Variants in HSF1 observed in about 807,000 individuals in gnomAD.
The protein encoded by HSF1 is heat shock transcription factor 1.
A neutral mutation model predicts 51.7 loss-of-function variants in HSF1; 32 were observed. The observed-to-expected ratio is 0.62, with a 90% CI of 0.47 to 0.83. HSF1 has a LOEUF of 0.83. HSF1 is among the 40% of genes least tolerant of loss of function. HSF1 has a pLI of 0.00. For synonymous variants in HSF1, 396 were observed against 309.7 expected (o/e 1.28, Z -2.92); for missense variants, 727 against 717.0 (o/e 1.01, Z -0.16).
chr8:144,299,686 G>A (rs1309004213), intron 1 of HSF1, among the ~76,000 whole-genome samples: 1 of 151,740 alleles, frequency 6.6e-6, no homozygotes, highest in Non-Finnish European at 1.5e-5. Context: ...GAGGCGGGTG[G>A]ATCACGAGGT....
At chr8:144,296,295 C>T (rs191322625) in intron 1 of HSF1, among the ~76,000 whole-genome samples, 2 of 152,308 alleles carry the variant, frequency 1.3e-5, no homozygotes, top group African/African-American at 2.4e-5. Context: ...AGATCGTGTC[C>T]GGAGCTCCCA....
intron 9 of HSF1, 146 bp from the exon 10 acceptor site, chr8:144,313,365 C>G: frequency 1.7e-6 from 1 of 604,314 alleles, no homozygotes; most frequent in Non-Finnish European, 3.0e-6. Flanking sequence ...AGGCCGTCCT[C>G]GAATGCGCTG....
At chr8:144,309,411 G>T (rs1816445183) in intron 2 of HSF1, 44 bp from the exon 3 acceptor site, 3 of 1,610,870 alleles carry the variant, frequency 1.9e-6, no homozygotes, top group Non-Finnish European at 8.5e-7. Context: ...AGGGGTTCTG[G>T]TCCCGCCCTG....
At chr8:144,306,959 G>A (rs1278902389) in intron 1 of HSF1, among the ~76,000 whole-genome samples, 2 of 152,100 alleles carry the variant, frequency 1.3e-5, no homozygotes, top group Admixed American at 6.6e-5. Flanking sequence ...TTCAGCACTC[G>A]GCCAGGCAGT....
chr8:144,300,911 TA>T (rs1323366252), intron 1 of HSF1, among the ~76,000 whole-genome samples: 2 of 152,068 alleles, frequency 1.3e-5, no homozygotes, highest in East Asian at 3.8e-4. Context: ...TATTCTAAAG[TA>T]AAAAGGTGGT....
At chr8:144,312,587 C>A in intron 9 of HSF1, 2 of 1,495,616 alleles carry the variant, frequency 1.3e-6, no homozygotes, top group Non-Finnish European at 1.8e-6. Flanking sequence ...ACACCCCCAG[C>A]CCCTGCCTGC....
intron 1 of HSF1, among the ~76,000 whole-genome samples, chr8:144,307,604 G>C (rs1241602452): frequency 3.3e-5 from 5 of 151,234 alleles, no homozygotes; most frequent in Non-Finnish European, 7.4e-5. Flanking sequence ...GCCGGGCGTG[G>C]TGGCGCCTAT....
chr8:144,291,792 C>T lies in HSF1; in HGVS notation c.35C>T (p.Pro12Leu). The change falls in exon 1 of 13, where the codon CCC becomes CTC. Residue 12 changes from proline to leucine, a missense_variant. By Grantham distance (98) the Pro-to-Leu change is moderately conservative. This residue lies in a region of HSF1 where 257 missense variants were observed against 318.3 expected (regional missense o/e 0.81). Coordinates refer to ENST00000528838, the MANE Select transcript of HSF1 (RefSeq NM_005526.4). The surrounding 1 kb of genome is among the most constrained non-coding windows in gnomAD (Gnocchi z 4.1). The part of the protein sequence containing the change: ...DLPVGPGAAG[P>L]SNVPAFLTKL... Reference sequence around the variant, plus strand: ...CCCGTGGGCCCCGGCGCGGCGGGGCCCAGCAACGTCCCGGCCTTCCTGACC... The same window carrying T: ...CCCGTGGGCCCCGGCGCGGCGGGGCTCAGCAACGTCCCGGCCTTCCTGACC... 6.5e-7 allele frequency: 1 copy of T among 1,545,022 alleles called. No homozygotes were observed. Among genetic ancestry groups the T allele is most frequent in the Non-Finnish European group, 8.7e-7 (1 of 1,150,740 alleles).
intron 1 of HSF1, among the ~76,000 whole-genome samples, chr8:144,305,456 T>C (rs1432618996): frequency 6.6e-6 from 1 of 151,096 alleles, no homozygotes; most frequent in Non-Finnish European, 1.5e-5. Context: ...CATGCCACCA[T>C]GCCCAACTAA....
chr8:144,309,688 G>A (rs1395001676), intron 3 of HSF1, 84 bp from the exon 4 acceptor site: 43 of 1,583,944 alleles, frequency 2.7e-5, no homozygotes, highest in Non-Finnish European at 3.4e-5. Context: ...GCCCCTTCCT[G>A]AGGGACCTGG....
At chr8:144,302,217 A>AG (rs1815935112) in intron 1 of HSF1, among the ~76,000 whole-genome samples, 1 of 151,426 alleles carries the variant, frequency 6.6e-6, no homozygotes, top group Non-Finnish European at 1.5e-5. Context: ...TTTAAAAAAA[A>AG]TTAAAGGCAG....
At chr8:144,292,452 G>A (rs541130298) in intron 1 of HSF1, 1 of 152,416 alleles carries the variant, frequency 6.6e-6, no homozygotes, top group African/African-American at 2.4e-5. Flanking sequence ...CATTCCTTAT[G>A]GGGCATCTTT....
intron 9 of HSF1, chr8:144,312,636 G>C (rs868914001): frequency 2.0e-6 from 3 of 1,535,216 alleles, no homozygotes; most frequent in Non-Finnish European, 2.6e-6. Context: ...AGTTTGGCTC[G>C]CACTCCACAG....
At position 144,308,908 on chromosome 8, in the gene HSF1, C is replaced by T. The variant is rs1460662106; in HGVS notation, c.120C>T (p.Ser40=). 1.2e-6 allele frequency: 2 copies of T among 1,613,416 alleles called. No homozygotes were observed. Among genetic ancestry groups the T allele is most frequent in the Non-Finnish European group, 1.7e-6 (2 of 1,179,444 alleles). Reference sequence around the variant, plus strand: ...CCACCCATGTGTCTCCCTTTCAGAGCGGGAACAGCTTCCACGTGTTCGACC... The same window carrying T: ...CCACCCATGTGTCTCCCTTTCAGAGTGGGAACAGCTTCCACGTGTTCGACC... The part of the protein sequence containing the change: ...DTDALICWSP[S]GNSFHVFDQG... Residue 40 remains serine, a splice_region_variant and synonymous_variant, in exon 2 of 13, where the codon AGC becomes AGT. Coordinates refer to ENST00000528838, the MANE Select transcript of HSF1 (RefSeq NM_005526.4).
Position 144,297,480 on chromosome 8 carries a change from CAAG to C in HSF1, c.117+5611_117+5613del, listed in dbSNP as rs1588627972. ...GCTGGAAGCTCCTCCAGAGCGGAAACAAGAAGAGTGTTTATGAGAAAGGTGCGG... is the reference window on the plus strand; with the variant it reads ...GCTGGAAGCTCCTCCAGAGCGGAAACAAGAGTGTTTATGAGAAAGGTGCGG... On this transcript the variant is annotated intron_variant, in intron 1 of 12. Coordinates refer to ENST00000528838, the MANE Select transcript of HSF1 (RefSeq NM_005526.4). This position sits in a 1 kb window ranked among gnomAD's most constrained non-coding sequence, Gnocchi z 4.6. 2.0e-5 allele frequency among the ~76,000 whole-genome samples: 3 copies of C among 152,282 alleles called. No homozygotes were observed. The East Asian group carries it at 5.8e-4, about 29-fold the overall frequency.
intron 1 of HSF1, among the ~76,000 whole-genome samples, chr8:144,300,622 T>C (rs1218805909): frequency 3.9e-5 from 6 of 152,282 alleles, no homozygotes; most frequent in African/African-American, 1.4e-4. Context: ...CAAATCCAAA[T>C]TGAGAGACAT....
chr8:144,312,297 G>T, intron 9 of HSF1, 53 bp downstream of exon 9: 1 of 1,299,644 alleles, frequency 7.7e-7, no homozygotes, highest in South Asian at 1.4e-5. Flanking sequence ...GCACAGCCCT[G>T]GGCTTCAGCC....
intron 1 of HSF1, among the ~76,000 whole-genome samples, chr8:144,303,507 T>A (rs782553567): frequency 1.3e-5 from 2 of 152,164 alleles, no homozygotes; most frequent in Non-Finnish European, 2.9e-5. Flanking sequence ...GCCTCTGATC[T>A]TCTTGGCCTG....
intron 1 of HSF1, among the ~76,000 whole-genome samples, chr8:144,308,430 T>G (rs1554843631): frequency 6.6e-6 from 1 of 152,254 alleles, no homozygotes; most frequent in East Asian, 1.9e-4. Flanking sequence ...TGAACGCGAC[T>G]GTGTTTTCCT....
Sources: gnomAD v4.1 joint callset for allele counts (sites outside exome capture counted in the v4.1 genomes callset) on GRCh38, gnomAD v4.1.1 for gene constraint, gnomAD v4.1.1 regional missense constraint, Gnocchi (gnomAD v3.1) non-coding constraint, MANE v1.5 for transcripts, NCBI Gene and HGNC (gene_info 2026-07-23, HGNC 2026-07-21) for gene names.